Variants in P2RY12 observed in about 807,000 individuals in gnomAD.
The protein encoded by P2RY12 is P2Y purinoceptor 12.
In P2RY12, 3 loss-of-function variants were observed where a neutral mutation model predicts 4.5. That is an observed-to-expected ratio of 0.67 (90% CI 0.31 to 1.74). The LOEUF (loss-of-function observed/expected upper bound fraction) is 1.74. Ranked by LOEUF, P2RY12 falls within the 40% of genes most tolerant of loss-of-function variation. The pLI, the probability that P2RY12 is intolerant of heterozygous loss-of-function variation, is 0.09. For missense variants in P2RY12, 356 were observed against 407.8 expected (o/e 0.87, Z 1.09); for synonymous variants, 148 against 154.1 (o/e 0.96, Z 0.29).
At chr3:151,372,845 T>A in intron 1 of P2RY12, 1 of 1,144,018 alleles carries the variant, frequency 8.7e-7, no homozygotes, top group Non-Finnish European at 1.3e-6. Flanking sequence ...TATAGGAAAC[T>A]TGTGCATAGG....
intron 1 of P2RY12, chr3:151,376,072 C>G (rs766873650): frequency 1.9e-6 from 3 of 1,605,502 alleles, no homozygotes; most frequent in Non-Finnish European, 2.5e-6. Flanking sequence ...AGATTATGTA[C>G]AGACAAAGAA....
intron 1 of P2RY12, among the ~76,000 whole-genome samples, chr3:151,375,703 AAGTTAGAAAAAACTGACACAAAAT>A (rs907494424): frequency 7.9e-5 from 12 of 152,156 alleles, no homozygotes; most frequent in Admixed American, 7.9e-4. Context: ...ATTATATAGC[AAGTTAGAAAAAACTGACACAAAAT>A]AGTGCCTAGA....
intron 1 of P2RY12, chr3:151,350,028 A>G (rs1249530798): frequency 2.5e-6 from 4 of 1,597,982 alleles, no homozygotes; most frequent in South Asian, 1.1e-5. Context: ...CCTGCAGACA[A>G]GAGTTTCAGA....
chr3:151,365,244 G>GCAACAACTCTTTGGTT, intron 1 of P2RY12: 1 of 1,541,848 alleles, frequency 6.5e-7, no homozygotes, highest in Non-Finnish European at 9.0e-7. Context: ...ATTAACCAAA[G>GCAACAACTCTTTGGTT]AGTTGTTGCC....
intron 1 of P2RY12, among the ~76,000 whole-genome samples, chr3:151,361,532 GTA>G (rs1202053751): frequency 6.6e-6 from 1 of 152,098 alleles, no homozygotes; most frequent in Non-Finnish European, 1.5e-5. Flanking sequence ...AATGATAGTA[GTA>G]TTTGATTCCT....
At chr3:151,349,914 T>G in intron 1 of P2RY12, 2 of 530,942 alleles carry the variant, frequency 3.8e-6, no homozygotes, top group Non-Finnish European at 3.2e-6. Flanking sequence ...GTGTTGCCAG[T>G]GGAGGTTGAG....
rs781058297 is a variant in P2RY12, at chr3:151,338,219, A to G, written c.627T>C (p.Tyr209=). Reference sequence around the variant, plus strand: ...GGTACAGTTCTTTTGTAATGAGTGTATAACATACAATAACAATTAAGAAAT... The same window carrying G: ...GGTACAGTTCTTTTGTAATGAGTGTGTAACATACAATAACAATTAAGAAAT... ...WINFLIVIVC[Y]TLITKELYRS... The change falls in exon 3 of 3, where the codon TAT becomes TAC. Residue 209 remains tyrosine, a synonymous_variant. Coordinates refer to ENST00000302632, the MANE Select transcript of P2RY12 (RefSeq NM_022788.5). 3 of 1,614,014 alleles carry G rather than the reference A, an allele frequency of 1.9e-6. No homozygotes were observed. The African/African-American group carries it at 4.0e-5, about 22-fold the overall frequency.
At position 151,338,034 on chromosome 3, in the gene P2RY12, G is replaced by A. The variant is rs1560045486; in HGVS notation, c.812C>T (p.Thr271Ile). The A allele has an allele frequency of 4.3e-6, 7 of 1,613,990 alleles. 1 individual carries two copies. The South Asian group carries it at 7.7e-5, about 18-fold the overall frequency. The change falls in exon 3 of 3, where the codon ACT becomes ATT. Residue 271 changes from threonine to isoleucine, a missense_variant. Transcript: ENST00000302632. ...CACATAGAACAGAGTATTTTCAGCA[G>A]TGCAGTCAAAGACATCCCGGGTTTG... ...LSQTRDVFDC[T>I]AENTLFYVKE...
At chr3:151,362,363 C>G (rs748204505) in intron 1 of P2RY12, among the ~76,000 whole-genome samples, 1 of 152,046 alleles carries the variant, frequency 6.6e-6, no homozygotes, top group Non-Finnish European at 1.5e-5. Flanking sequence ...ACCCCTTTCC[C>G]TCTGTTTATT....
intron 1 of P2RY12, among the ~76,000 whole-genome samples, chr3:151,353,732 G>A (rs1426781006): frequency 1.3e-5 from 2 of 152,040 alleles, no homozygotes; most frequent in Non-Finnish European, 2.9e-5. Context: ...TTCATTTCTT[G>A]TGTCTTTAAT....
rs1469097031 is a variant in P2RY12, at chr3:151,384,752, G to A, written c.-240C>T. ...GTTCTGCAGCTCCTGTCTTCTGATTGTGATCACTACCCTGGATTTTTGTCA... is the reference window on the plus strand; with the variant it reads ...GTTCTGCAGCTCCTGTCTTCTGATTATGATCACTACCCTGGATTTTTGTCA... On this transcript the variant is annotated 5_prime_UTR_variant, in exon 1 of 3. Coordinates refer to ENST00000302632, the MANE Select transcript of P2RY12 (RefSeq NM_022788.5). 2.7e-5 allele frequency: 9 copies of A among 328,110 alleles called. No homozygotes were observed. In the East Asian group the frequency reaches 6.9e-4, roughly 25 times the overall value. The allele number at this position is 328,110 out of a possible 1,614,324, so 20.3% of individuals were successfully genotyped here. A position where few individuals can be genotyped will look rare whatever the true frequency, so the allele number is the denominator to read the frequency against.
At chr3:151,368,689 TATTTCATTTCATTTC>T (rs1175917645) in intron 1 of P2RY12, among the ~76,000 whole-genome samples, 709 of 41,208 alleles carry the variant, frequency 0.017, 11 homozygotes, top group South Asian at 0.092. Flanking sequence ...CATTTCATTT[TATTTCATTTCATTTC>T]ATTTCATTTC....
Position 151,377,234 on chromosome 3 carries a change from A to C in P2RY12, c.-180+7458T>G, listed in dbSNP as rs1033039659. The C allele has an allele frequency of 1.7e-5, 24 of 1,432,720 alleles. No individual in the cohort carries two copies. The Admixed American group carries it at 2.1e-4, about 13-fold the overall frequency. The allele number at this position is 1,432,720 out of a possible 1,614,324, so 88.8% of individuals were successfully genotyped here. On this transcript the variant is annotated intron_variant, in intron 1 of 2. Coordinates refer to ENST00000302632, the MANE Select transcript of P2RY12 (RefSeq NM_022788.5). ...CATGAATTTTTCACAAGTAACGGTA[A>C]ATTTTGTGTAGCACAGTGATTTTTC...
chr3:151,350,350 A>G (rs1483380074), intron 1 of P2RY12: 3 of 645,488 alleles, frequency 4.6e-6, no homozygotes, highest in Non-Finnish European at 7.1e-6. Context: ...GAACAAGCAC[A>G]TTTAAATTTT....
intron 1 of P2RY12, among the ~76,000 whole-genome samples, chr3:151,383,517 G>T (rs1644893480): frequency 6.6e-6 from 1 of 152,162 alleles, no homozygotes; most frequent in Non-Finnish European, 1.5e-5. Flanking sequence ...TGGAACAAAA[G>T]AAAGCTAAGT....
Position 151,340,680 on chromosome 3 carries a change from C to T in P2RY12, c.-99G>A, listed in dbSNP as rs1751696907. The T allele has an allele frequency of 6.6e-6, 1 of 152,580 alleles. No individual in the cohort carries two copies. Among genetic ancestry groups the T allele is most frequent in the South Asian group, 2.1e-4 (1 of 4,832 alleles). 9.5% of individuals were successfully genotyped at this position (152,580 alleles called of 1,614,324 possible). ...CTGCAGAGTGGCATCTGGTATTTTC[C>T]TTTTAATGTCTTAGTTTAGTTGCCA... is the stretch of plus-strand genomic sequence containing the variant. On this transcript the variant is annotated 5_prime_UTR_variant, in exon 2 of 3. Coordinates refer to ENST00000302632, the MANE Select transcript of P2RY12 (RefSeq NM_022788.5).
intron 2 of P2RY12, among the ~76,000 whole-genome samples, chr3:151,339,350 G>T (rs1751478109): frequency 6.7e-6 from 1 of 148,912 alleles, no homozygotes; most frequent in African/African-American, 2.5e-5. Flanking sequence ...TTGCCTGTTA[G>T]AATCCTAAAG....
chr3:151,338,409 A>G lies in P2RY12; in HGVS notation c.437T>C (p.Val146Ala), dbSNP rs754678426. ...TAAGAACATGAATGCCCAGATGACAACAGAGAGAATCTTAGCCCCCAAGAG... is the reference window on the plus strand; with the variant it reads ...TAAGAACATGAATGCCCAGATGACAGCAGAGAGAATCTTAGCCCCCAAGAG... ...KNLLGAKILS[V>A]VIWAFMFLLS... The change falls in exon 3 of 3, where the codon GTT becomes GCT. Residue 146 changes from valine (V) to alanine (A), a missense_variant. By Grantham distance (64) the Val-to-Ala change is moderately conservative. Coordinates refer to ENST00000302632, the MANE Select transcript of P2RY12 (RefSeq NM_022788.5). 7 of 1,614,136 alleles carry G rather than the reference A, an allele frequency of 4.3e-6. No homozygotes were observed. In the South Asian group the frequency reaches 4.4e-5, roughly 10 times the overall value.
intron 1 of P2RY12, among the ~76,000 whole-genome samples, chr3:151,356,818 C>T (rs980893472): frequency 1.3e-5 from 2 of 152,008 alleles, no homozygotes; most frequent in African/African-American, 4.8e-5. Context: ...TATTAGCAAA[C>T]AGAAATAAGA....
Sources: allele counts gnomAD v4.1 joint callset (sites outside exome capture counted in the v4.1 genomes callset), GRCh38; gene constraint gnomAD v4.1.1; transcripts MANE v1.5; gene names NCBI Gene and HGNC (gene_info 2026-07-23, HGNC 2026-07-21).